The following MEGF10 variants were observed in gnomAD, a reference collection of about 807,000 sequenced individuals.
The protein encoded by MEGF10 is multiple epidermal growth factor-like domains protein 10.
In MEGF10, 86 loss-of-function variants were observed where a neutral mutation model predicts 147.5. That is an observed-to-expected ratio of 0.58 (90% CI 0.49 to 0.70). The LOEUF (loss-of-function observed/expected upper bound fraction) is 0.70, where lower values mean the gene tolerates loss of function less well. MEGF10 is among the 30% of genes least tolerant of loss of function. The pLI, the probability that MEGF10 is intolerant of heterozygous loss-of-function variation, is 0.00. For synonymous variants in MEGF10, 478 were observed against 525.5 expected (o/e 0.91, Z 1.24); for missense variants, 1,329 against 1,487.3 (o/e 0.89, Z 1.75).
intron 22 of MEGF10, among the ~76,000 whole-genome samples, chr5:127,452,682 C>T (rs888411078): frequency 1.6e-4 from 25 of 152,204 alleles, no homozygotes; most frequent in Non-Finnish European, 3.2e-4. Context: ...AAACCCCCCA[C>T]CATAAATCAC....
rs114292933 is a variant in MEGF10, at chr5:127,318,516, C to T, written c.-18-12775C>T. 4.2e-3 allele frequency among the ~76,000 whole-genome samples: 639 copies of T among 152,214 alleles called. 3 individuals carry two copies. Among genetic ancestry groups the T allele is most frequent in the African/African-American group, 0.015 (611 of 41,538 alleles). On this transcript the variant is annotated intron_variant, in intron 1 of 24. Transcript: ENST00000503335. ...TTGGCATCACTGGCTAAAAATGCATCTACAAGAACTTTGAAAAGCAGATGA... is the reference window on the plus strand; with the variant it reads ...TTGGCATCACTGGCTAAAAATGCATTTACAAGAACTTTGAAAAGCAGATGA...
At chr5:127,379,745 G>A (rs1417787137) in intron 5 of MEGF10, among the ~76,000 whole-genome samples, 5 of 151,732 alleles carry the variant, frequency 3.3e-5, no homozygotes, top group Admixed American at 2.0e-4. Flanking sequence ...GATTACAGGC[G>A]CCCACCACCA....
At chr5:127,403,598 C>A (rs1764213184) in intron 8 of MEGF10, among the ~76,000 whole-genome samples, 1 of 152,172 alleles carries the variant, frequency 6.6e-6, no homozygotes, top group South Asian at 2.1e-4. Flanking sequence ...CTCCCACTAT[C>A]CTTCCCAGCC....
the MEGF10 span, among the ~76,000 whole-genome samples, chr5:127,261,850 C>T: frequency 6.6e-6 from 1 of 152,084 alleles, no homozygotes; most frequent in African/African-American, 2.4e-5. Flanking sequence ...TTGCATTTCC[C>T]TAATGTCTAA....
intron 1 of MEGF10, among the ~76,000 whole-genome samples, chr5:127,293,281 G>A (rs1471549913): frequency 1.3e-5 from 2 of 152,156 alleles, no homozygotes; most frequent in African/African-American, 4.8e-5. Flanking sequence ...TCATCAAAGT[G>A]AGTAACAACA....
At position 127,438,646 on chromosome 5, in the gene MEGF10, C is replaced by T; in HGVS notation, c.2233+79C>T. On this transcript the variant is annotated intron_variant, in intron 17 of 24. Transcript: ENST00000503335. ...ACAGCCTTACCCTCCGCATGCGTGA[C>T]TGGAGCTCAACAAAGGTCCCTGAGG... 4 of 1,506,026 alleles carry T rather than the reference C, an allele frequency of 2.7e-6. No individual in the cohort carries two copies. In the African/African-American group the frequency reaches 5.5e-5, roughly 21 times the overall value. 93.3% of individuals were successfully genotyped at this position (1,506,026 alleles called of 1,614,324 possible).
intron 4 of MEGF10, among the ~76,000 whole-genome samples, chr5:127,366,585 T>C (rs1454288116): frequency 6.6e-6 from 1 of 152,232 alleles, no homozygotes; most frequent in Non-Finnish European, 1.5e-5. Flanking sequence ...CTAATTAACT[T>C]ACAGGCAAAT....
At chr5:127,366,785 A>G (rs909995781) in intron 4 of MEGF10, among the ~76,000 whole-genome samples, 4 of 152,234 alleles carry the variant, frequency 2.6e-5, no homozygotes, top group Admixed American at 6.5e-5. Flanking sequence ...GGAATCACGC[A>G]TGAGAACATT....
chr5:127,389,737 A>G (rs1410243668), intron 5 of MEGF10, among the ~76,000 whole-genome samples: 3 of 152,192 alleles, frequency 2.0e-5, no homozygotes, highest in Middle Eastern at 3.2e-3. Context: ...ACATGGACAC[A>G]TAAAGAGGAA....
intron 21 of MEGF10, among the ~76,000 whole-genome samples, chr5:127,447,994 C>T (rs1365406422): frequency 6.6e-6 from 1 of 152,130 alleles, no homozygotes; most frequent in Non-Finnish European, 1.5e-5. Context: ...TTTAGAAAAA[C>T]GTTTCTAATT....
At chr5:127,319,514 T>G (rs1760711174) in intron 1 of MEGF10, among the ~76,000 whole-genome samples, 1 of 152,212 alleles carries the variant, frequency 6.6e-6, no homozygotes, top group Non-Finnish European at 1.5e-5. Flanking sequence ...CTGAGGATAC[T>G]GCAGAGAAAA....
intron 3 of MEGF10, among the ~76,000 whole-genome samples, chr5:127,339,789 A>C (rs933202313): frequency 6.6e-6 from 1 of 152,162 alleles, no homozygotes; most frequent in African/African-American, 2.4e-5. Context: ...ATTGTACTGC[A>C]CTAAATGATG....
At chr5:127,379,149 C>T (rs936881974) in intron 5 of MEGF10, among the ~76,000 whole-genome samples, 3 of 150,728 alleles carry the variant, frequency 2.0e-5, no homozygotes. Flanking sequence ...TAACCCAATC[C>T]AACCTCTTCT....
chr5:127,246,950 T>TTATAC, the MEGF10 span, among the ~76,000 whole-genome samples: 13 of 113,884 alleles, frequency 1.1e-4, no homozygotes, highest in Admixed American at 2.9e-4. Flanking sequence ...ATATTATATA[T>TTATAC]AATAAATAAT....
intron 4 of MEGF10, among the ~76,000 whole-genome samples, chr5:127,349,130 C>T (rs1032937363): frequency 6.6e-6 from 1 of 151,932 alleles, no homozygotes; most frequent in Non-Finnish European, 1.5e-5. Flanking sequence ...TTCTACGGAC[C>T]ACATTCTCTT....
the MEGF10 span, among the ~76,000 whole-genome samples, chr5:127,278,492 CT>C: frequency 6.6e-6 from 1 of 152,084 alleles, no homozygotes; most frequent in South Asian, 2.1e-4. Context: ...AAACAGAGTT[CT>C]TTTTTTAAGT....
intron 2 of MEGF10, among the ~76,000 whole-genome samples, chr5:127,333,892 A>G (rs764919222): frequency 1.6e-4 from 25 of 152,168 alleles, no homozygotes; most frequent in African/African-American, 2.7e-4. Flanking sequence ...AAACTCTAAA[A>G]TGCTCATGAA....
In MEGF10 at chr5:127,419,201, G is replaced by A; in HGVS notation, c.1387G>A (p.Val463Ile). Residue 463 changes from valine (V) to isoleucine (I), a missense_variant, in exon 11 of 25, where the codon GTC (valine) becomes ATC (isoleucine). Physicochemically the swap from Val to Ile is conservative, Grantham distance 29. Transcript: ENST00000503335. Reference protein sequence around the residue: ...SSRCGCKNDAVCSPVDGSCTC... With the variant: ...SSRCGCKNDAICSPVDGSCTC... ...TCGCTGTGGCTGTAAAAATGATGCAGTCTGCTCTCCTGTGGACGGGTCTTG... is the reference window on the plus strand; with the variant it reads ...TCGCTGTGGCTGTAAAAATGATGCAATCTGCTCTCCTGTGGACGGGTCTTG... 1 of 1,614,116 alleles carries A rather than the reference G, an allele frequency of 6.2e-7. No individual in the cohort carries two copies. Among genetic ancestry groups the A allele is most frequent in the East Asian group, 2.2e-5 (1 of 44,880 alleles).
intron 18 of MEGF10, 79 bp downstream of exon 18, chr5:127,440,946 A>T: frequency 6.4e-7 from 1 of 1,552,732 alleles, no homozygotes; most frequent in Non-Finnish European, 8.8e-7. Context: ...GGAAATATTA[A>T]GGCAGAATTC....
Sources: gnomAD v4.1 joint callset for allele counts (sites outside exome capture counted in the v4.1 genomes callset) on GRCh38, gnomAD v4.1.1 for gene constraint, MANE v1.5 for transcripts, NCBI Gene and HGNC (gene_info 2026-07-23, HGNC 2026-07-21) for gene names.